Variants in PTPRM observed in about 807,000 individuals in gnomAD.
PTPRM encodes receptor-type tyrosine-protein phosphatase mu.
In PTPRM, 47 loss-of-function variants were observed where a neutral mutation model predicts 186.7. The ratio of observed to expected loss-of-function variants is 0.25; its 90% CI spans 0.20 to 0.32. The LOEUF (loss-of-function observed/expected upper bound fraction) is 0.32, where lower values mean the gene tolerates loss of function less well. Among genes scored for constraint, PTPRM ranks in the 10% least tolerant of loss-of-function variants. The probability of loss-of-function intolerance (pLI) is 1.00; values close to 1 mark genes in which losing one functional copy is unlikely to be tolerated. For synonymous variants in PTPRM, 668 were observed against 674.9 expected, an observed-to-expected ratio of 0.99 and a Z score of 0.16; for missense variants, 1,494 against 1,865.0, an observed-to-expected ratio of 0.80 and a Z score of 3.66.
At chr18:7,753,533 A>G (rs1267801058) in intron 1 of PTPRM, among the ~76,000 whole-genome samples, 2 of 152,110 alleles carry the variant, frequency 1.3e-5, no homozygotes, top group Non-Finnish European at 2.9e-5. Flanking sequence ...AGTACATCCT[A>G]TATGGTAGGG....
At chr18:7,667,307 A>G (rs752083797) in intron 1 of PTPRM, among the ~76,000 whole-genome samples, 10 of 152,194 alleles carry the variant, frequency 6.6e-5, no homozygotes, top group Non-Finnish European at 1.2e-4. Flanking sequence ...ACTTATCAAA[A>G]CAGGTCAGCT....
intron 2 of PTPRM, among the ~76,000 whole-genome samples, chr18:7,825,379 C>T (rs1358756460): frequency 6.6e-6 from 1 of 152,096 alleles, no homozygotes; most frequent in African/African-American, 2.4e-5. Flanking sequence ...GTTGATTTTG[C>T]ATAGGAGTAC....
chr18:8,196,964 A>T (rs1338059211), intron 14 of PTPRM, among the ~76,000 whole-genome samples: 1 of 152,240 alleles, frequency 6.6e-6, no homozygotes, highest in Non-Finnish European at 1.5e-5. Flanking sequence ...AAGGATGCTA[A>T]GTTTTGACTG....
chr18:8,130,827 C>G (rs1015253481), intron 13 of PTPRM, among the ~76,000 whole-genome samples: 1 of 152,196 alleles, frequency 6.6e-6, no homozygotes, highest in Admixed American at 6.5e-5. Context: ...GTAGTGGGTT[C>G]AAGTCCAGGC....
chr18:8,291,288 A>G (rs1377806029), intron 19 of PTPRM, among the ~76,000 whole-genome samples: 1 of 152,204 alleles, frequency 6.6e-6, no homozygotes, highest in Non-Finnish European at 1.5e-5. Flanking sequence ...CTTGAATGTA[A>G]GGATTTGTCT....
At chr18:7,796,433 A>G (rs1207455482) in intron 2 of PTPRM, among the ~76,000 whole-genome samples, 1 of 152,248 alleles carries the variant, frequency 6.6e-6, no homozygotes, top group African/African-American at 2.4e-5. Context: ...AAGTGTGGGC[A>G]GGAGGGCATG....
In PTPRM at chr18:7,998,122, C is replaced by T. The variant is rs564787393; in HGVS notation, c.1132+42708C>T. Among the ~76,000 whole-genome samples the T allele has an allele frequency of 1.2e-3, 188 of 152,226 alleles. 1 individual carries two copies. The highest frequency in any genetic ancestry group is 4.4e-3 in the African/African-American group (181 of 41,540). The stretch of plus-strand genomic sequence containing the variant: ...AGTTCTATTTACAATAGTGAAGATA[C>T]GGAGTCAACCCAGTGTCCATCAATG... On this transcript the variant is annotated intron_variant, in intron 7 of 32. Coordinates refer to ENST00000580170, the MANE Select transcript of PTPRM (RefSeq NM_001105244.2).
At chr18:7,721,418 G>C (rs535481450) in intron 1 of PTPRM, among the ~76,000 whole-genome samples, 23 of 151,932 alleles carry the variant, frequency 1.5e-4, no homozygotes, top group African/African-American at 5.5e-4. Context: ...CATTCTATGG[G>C]TTGCCTTTTC....
At chr18:7,835,716 CTAA>C (rs142865670) in intron 2 of PTPRM, among the ~76,000 whole-genome samples, 8,517 of 152,112 alleles carry the variant, frequency 0.056, 575 homozygotes, top group African/African-American at 0.16. Flanking sequence ...CTCTTTAGCG[CTAA>C]TAATATTTTC....
At chr18:8,039,247 A>G (rs1037920654) in intron 7 of PTPRM, among the ~76,000 whole-genome samples, 1 of 152,158 alleles carries the variant, frequency 6.6e-6, no homozygotes, top group African/African-American at 2.4e-5. Context: ...AAAAAGTTGT[A>G]GGAACCTTTA....
At chr18:7,948,178 G>C (rs1016453850) in intron 5 of PTPRM, among the ~76,000 whole-genome samples, 15 of 111,524 alleles carry the variant, frequency 1.3e-4, no homozygotes, top group African/African-American at 2.0e-4. Flanking sequence ...CACACACACA[G>C]GTTTCCGCTT....
At chr18:7,600,248 A>C (rs369220084) in intron 1 of PTPRM, among the ~76,000 whole-genome samples, 47 of 152,308 alleles carry the variant, frequency 3.1e-4, no homozygotes, top group African/African-American at 1.1e-3. Context: ...CAAATGAGGT[A>C]ATAAACATCC....
chr18:8,280,410 TGGGG>T (rs34651192), intron 19 of PTPRM, among the ~76,000 whole-genome samples: 11 of 135,924 alleles, frequency 8.1e-5, no homozygotes, highest in East Asian at 3.2e-4. Flanking sequence ...TGGTCGGGGG[TGGGG>T]GGGGGGTCAC....
chr18:8,269,663 T>A (rs1050268818), intron 19 of PTPRM, among the ~76,000 whole-genome samples: 2 of 152,000 alleles, frequency 1.3e-5, no homozygotes, highest in African/African-American at 2.4e-5. Context: ...ATCAAATTAG[T>A]ATGATCCTAG....
intron 23 of PTPRM, among the ~76,000 whole-genome samples, chr18:8,361,666 A>T (rs939504995): frequency 2.0e-5 from 3 of 152,168 alleles, no homozygotes; most frequent in Non-Finnish European, 4.4e-5. Flanking sequence ...TAGGACTCAG[A>T]ATACCTTTAA....
intron 1 of PTPRM, among the ~76,000 whole-genome samples, chr18:7,722,719 A>G (rs79928125): frequency 0.026 from 3,925 of 152,312 alleles, 66 homozygotes; most frequent in Non-Finnish European, 0.039. Context: ...CTGGGAATAA[A>G]TGTTTACAAC....
chr18:7,833,823 C>G (rs1258621290), intron 2 of PTPRM, among the ~76,000 whole-genome samples: 1 of 152,166 alleles, frequency 6.6e-6, no homozygotes, highest in Non-Finnish European at 1.5e-5. Context: ...GATTTTGTGT[C>G]CTGCAACTTT....
intron 1 of PTPRM, among the ~76,000 whole-genome samples, chr18:7,597,756 A>C (rs1414679222): frequency 4.6e-5 from 7 of 152,218 alleles, no homozygotes; most frequent in African/African-American, 7.2e-5. Flanking sequence ...TTTTATGTAA[A>C]GTGTTAGTTT....
At chr18:7,771,293 T>C (rs548029384) in intron 1 of PTPRM, among the ~76,000 whole-genome samples, 1 of 152,346 alleles carries the variant, frequency 6.6e-6, no homozygotes, top group South Asian at 2.1e-4. Flanking sequence ...ATTTCATTCT[T>C]TTTGAATGTT....
Sources: allele counts gnomAD v4.1 joint callset (sites outside exome capture counted in the v4.1 genomes callset), GRCh38; gene constraint gnomAD v4.1.1; transcripts MANE v1.5; gene names NCBI Gene and HGNC (gene_info 2026-07-23, HGNC 2026-07-21).